ANKRD12: variants seen among roughly 807,000 people sequenced by gnomAD.
ANKRD12 encodes the protein ankyrin repeat domain 12.
A neutral mutation model predicts 183.4 loss-of-function variants in ANKRD12; 85 were observed. That is an observed-to-expected ratio of 0.46 (90% CI 0.39 to 0.56). The LOEUF is 0.56. ANKRD12 is among the 20% of genes least tolerant of loss of function. The pLI, the probability that ANKRD12 is intolerant of heterozygous loss-of-function variation, is 0.00. For missense variants in ANKRD12, 2,405 were observed against 2,357.1 expected (o/e 1.02, Z -0.42); for synonymous variants, 914 against 800.2 (o/e 1.14, Z -2.40).
intron 1 of ANKRD12, among the ~76,000 whole-genome samples, chr18:9,154,249 C>G (rs1021438963): frequency 6.6e-6 from 1 of 152,134 alleles, no homozygotes; most frequent in Non-Finnish European, 1.5e-5. Flanking sequence ...TGGCAAAACC[C>G]TGTCTCTACA....
chr18:9,176,543 A>C (rs1203849401), intron 1 of ANKRD12, among the ~76,000 whole-genome samples: 1 of 152,048 alleles, frequency 6.6e-6, no homozygotes, highest in Non-Finnish European at 1.5e-5. Flanking sequence ...TGTCTGCCTC[A>C]GCCTCCCAAA....
intron 6 of ANKRD12, 63 bp downstream of exon 6, chr18:9,211,847 A>G: frequency 7.6e-7 from 1 of 1,311,838 alleles, no homozygotes; most frequent in Middle Eastern, 2.1e-4. Flanking sequence ...CCTGGTTACA[A>G]TTTAATCTAC....
At chr18:9,275,095 G>A (rs1414019080) in intron 10 of ANKRD12, among the ~76,000 whole-genome samples, 3 of 152,120 alleles carry the variant, frequency 2.0e-5, no homozygotes, top group Admixed American at 1.3e-4. Context: ...GAAGGCTGAG[G>A]TGGAAAGATT....
In ANKRD12 at chr18:9,248,493, A is replaced by T. The variant is rs534155162; in HGVS notation, c.944-5718A>T. 2.6e-5 allele frequency among the ~76,000 whole-genome samples: 4 copies of T among 152,340 alleles called. No individual in the cohort carries two copies. In the South Asian group the frequency reaches 8.3e-4, roughly 32 times the overall value. ...TTCTTTAATTTTCCTCTGCTTCACA[A>T]TTGAACAGTCTTTCAGTGAGCTTCT... On this transcript the variant is annotated intron_variant, in intron 8 of 12. Coordinates refer to ENST00000262126, the MANE Select transcript of ANKRD12 (RefSeq NM_015208.5).
chr18:9,232,505 G>A (rs2037109677), intron 8 of ANKRD12, among the ~76,000 whole-genome samples: 1 of 152,106 alleles, frequency 6.6e-6, no homozygotes, highest in African/African-American at 2.4e-5. Context: ...GTGGGGGGAG[G>A]CCTCTCTGTA....
intron 8 of ANKRD12, among the ~76,000 whole-genome samples, chr18:9,233,960 G>C (rs1298679703): frequency 1.3e-5 from 2 of 152,190 alleles, no homozygotes; most frequent in Non-Finnish European, 2.9e-5. Flanking sequence ...AGGTTCTCAG[G>C]TCCCAGCGTG....
intron 8 of ANKRD12, among the ~76,000 whole-genome samples, chr18:9,232,464 T>C (rs900972154): frequency 9.9e-5 from 15 of 152,248 alleles, no homozygotes; most frequent in African/African-American, 3.6e-4. Flanking sequence ...ATAAGGTTTC[T>C]GCTGAGAAGT....
intron 11 of ANKRD12, among the ~76,000 whole-genome samples, chr18:9,277,688 A>G (rs1325286763): frequency 1.3e-5 from 2 of 152,224 alleles, no homozygotes; most frequent in Non-Finnish European, 2.9e-5. Context: ...AAACAAATTC[A>G]TAGCAGAGCT....
At chr18:9,163,026 G>A (rs2031634445) in intron 1 of ANKRD12, among the ~76,000 whole-genome samples, 1 of 152,062 alleles carries the variant, frequency 6.6e-6, no homozygotes, top group South Asian at 2.1e-4. Context: ...CTTTTGCTGT[G>A]CAGAAGCTCC....
intron 1 of ANKRD12, among the ~76,000 whole-genome samples, chr18:9,141,482 C>G (rs1367460886): frequency 1.3e-5 from 2 of 152,088 alleles, no homozygotes; most frequent in African/African-American, 4.8e-5. Flanking sequence ...TATCCAAGAC[C>G]AGGTTTTCTG....
Position 9,255,949 on chromosome 18 carries a change from T to TA in ANKRD12, c.2689dup (p.Thr897AsnfsTer2), listed in dbSNP as rs1567974406. On this transcript the variant is annotated frameshift_variant, in exon 9 of 13. Transcript: ENST00000262126. LOFTEE classifies it high-confidence loss of function. The stretch of plus-strand genomic sequence containing the variant: ...AGAAGAGCAAAAATACTGCTGCTAT[T>TA]AAAAAAACTGACGACAGAGAGAAAA... 1 of 1,577,350 alleles carries TA rather than the reference T, an allele frequency of 6.3e-7. No individual in the cohort carries two copies. The highest frequency in any genetic ancestry group is 8.6e-7 in the Non-Finnish European group (1 of 1,169,582).
intron 10 of ANKRD12, among the ~76,000 whole-genome samples, chr18:9,268,888 C>A (rs2039446290): frequency 6.6e-6 from 1 of 152,106 alleles, no homozygotes; most frequent in African/African-American, 2.4e-5. Flanking sequence ...GTCTCAGCCC[C>A]AAATCTCCTT....
In ANKRD12 at chr18:9,226,161, C is replaced by T. The variant is rs111727913; in HGVS notation, c.943+4162C>T. 4.2e-3 allele frequency among the ~76,000 whole-genome samples: 641 copies of T among 152,246 alleles called. 3 individuals carry two copies. The highest frequency in any genetic ancestry group is 0.014 in the African/African-American group (584 of 41,548). On this transcript the variant is annotated intron_variant, in intron 8 of 12. Transcript: ENST00000262126. ...TTCCAAGGCCGGGCACGGTGGCTCACGCCTGTAATCCCAGGACTCTGGGAG... is the reference window on the plus strand; with the variant it reads ...TTCCAAGGCCGGGCACGGTGGCTCATGCCTGTAATCCCAGGACTCTGGGAG...
intron 6 of ANKRD12, among the ~76,000 whole-genome samples, chr18:9,213,528 T>C (rs373565866): frequency 1.6e-4 from 25 of 152,084 alleles, no homozygotes; most frequent in African/African-American, 5.8e-4. Flanking sequence ...AATTATGGTA[T>C]ATTTGATTAG....
intron 1 of ANKRD12, among the ~76,000 whole-genome samples, chr18:9,175,551 T>TTTTTTTTG: frequency 7.2e-6 from 1 of 138,050 alleles, no homozygotes; most frequent in Non-Finnish European, 1.6e-5. Flanking sequence ...TTTTTTTTTT[T>TTTTTTTTG]GAGACAGTCT....
intron 8 of ANKRD12, among the ~76,000 whole-genome samples, chr18:9,232,499 G>A (rs190109224): frequency 3.9e-5 from 6 of 152,242 alleles, no homozygotes; most frequent in African/African-American, 1.4e-4. Context: ...ATGGTGGTGG[G>A]GGGAGGCCTC....
intron 1 of ANKRD12, among the ~76,000 whole-genome samples, chr18:9,167,752 G>A (rs755067398): frequency 1.3e-5 from 2 of 152,212 alleles, no homozygotes; most frequent in African/African-American, 2.4e-5. Flanking sequence ...TTCCAACACT[G>A]TGTTGAATAG....
At chr18:9,165,791 C>T (rs895438339) in intron 1 of ANKRD12, among the ~76,000 whole-genome samples, 2 of 151,252 alleles carry the variant, frequency 1.3e-5, no homozygotes, top group East Asian at 1.9e-4. Context: ...CGTATGTATA[C>T]ATGTGCCATG....
Position 9,267,147 on chromosome 18 carries a change from G to A in ANKRD12, c.5763+3259G>A, listed in dbSNP as rs562059692. ...CCTTAGAGACCTAGAAAGAGACTTA[G>A]ATTCCCACACAATAATACTAATAAT... On this transcript the variant is annotated intron_variant, in intron 10 of 12. Coordinates refer to ENST00000262126, the MANE Select transcript of ANKRD12 (RefSeq NM_015208.5). Among the ~76,000 whole-genome samples, 29 of 152,256 alleles carry A rather than the reference G, an allele frequency of 1.9e-4. No individual in the cohort carries two copies. In the South Asian group the frequency reaches 5.4e-3, roughly 28 times the overall value.
Sources: allele counts gnomAD v4.1 joint callset (sites outside exome capture counted in the v4.1 genomes callset), GRCh38; gene constraint gnomAD v4.1.1; transcripts MANE v1.5; gene names NCBI Gene and HGNC (gene_info 2026-07-23, HGNC 2026-07-21).